The following DDX31 variants were observed in gnomAD, a reference collection of about 807,000 sequenced individuals.
DDX31 encodes DEAD-box helicase 31.
DDX31 carries 70 observed loss-of-function variants against 91.3 expected under a neutral mutation model. That is an observed-to-expected ratio of 0.77 (90% CI 0.63 to 0.94). The LOEUF is 0.94. DDX31 is among the 40% of genes least tolerant of loss of function. The pLI, the probability that DDX31 is intolerant of heterozygous loss-of-function variation, is 0.00. For missense variants in DDX31, 902 were observed against 925.0 expected (o/e 0.98, Z 0.32); for synonymous variants, 362 against 350.6 (o/e 1.03, Z -0.36).
chr9:132,612,306 G>A (rs1351408430), intron 18 of DDX31, 51 bp from the exon 19 acceptor site: 1 of 1,607,872 alleles, frequency 6.2e-7, no homozygotes, highest in Admixed American at 1.7e-5. Context: ...GGGTCTCCAA[G>A]CTCCAAAGTG....
chr9:132,598,356 C>T (rs1830550637), intron 19 of DDX31, among the ~76,000 whole-genome samples: 1 of 152,232 alleles, frequency 6.6e-6, no homozygotes, highest in Non-Finnish European at 1.5e-5. Flanking sequence ...CCTCCTTGCC[C>T]TCCAAATACC....
At chr9:132,659,103 A>G (rs1295380525) in intron 5 of DDX31, among the ~76,000 whole-genome samples, 1 of 152,182 alleles carries the variant, frequency 6.6e-6, no homozygotes, top group Non-Finnish European at 1.5e-5. Context: ...TCAGTGGTCA[A>G]TTACATCTCT....
chr9:132,606,124 G>T (rs1015936731), intron 19 of DDX31, among the ~76,000 whole-genome samples: 9 of 152,196 alleles, frequency 5.9e-5, no homozygotes, highest in Admixed American at 5.2e-4. Flanking sequence ...GGATTTACAC[G>T]GAGAAATCCT....
intron 6 of DDX31, chr9:132,658,451 C>G (rs1395240001): frequency 5.8e-6 from 4 of 689,962 alleles, no homozygotes; most frequent in African/African-American, 3.5e-5. Context: ...TCTTACAAAG[C>G]TTCCCTGTTA....
chr9:132,630,446 A>T, intron 15 of DDX31, 43 bp from the exon 16 acceptor site: 1 of 1,543,858 alleles, frequency 6.5e-7, no homozygotes, highest in Non-Finnish European at 8.8e-7. Flanking sequence ...AGATCAAGGG[A>T]CTGCCATTAA....
chr9:132,661,748 A>C (rs558087156), intron 3 of DDX31, among the ~76,000 whole-genome samples: 1 of 152,136 alleles, frequency 6.6e-6, no homozygotes, highest in Non-Finnish European at 1.5e-5. Flanking sequence ...GAGTCTGGAG[A>C]ACTCACTTTT....
chr9:132,661,492 G>C (rs1160437986), intron 3 of DDX31, among the ~76,000 whole-genome samples: 1 of 152,070 alleles, frequency 6.6e-6, no homozygotes, highest in Non-Finnish European at 1.5e-5. Context: ...GGCACTGCTG[G>C]CATCTAGTGG....
At chr9:132,655,193 C>T (rs1276713730) in intron 6 of DDX31, among the ~76,000 whole-genome samples, 1 of 152,042 alleles carries the variant, frequency 6.6e-6, no homozygotes, top group East Asian at 1.9e-4. Flanking sequence ...TTTAAGTGGC[C>T]TTGTTTGTAG....
Position 132,652,891 on chromosome 9 carries a change from T to A in DDX31, c.589-399A>T, listed in dbSNP as rs551553101. On this transcript the variant is annotated intron_variant, in intron 6 of 19. Transcript: ENST00000372159. The stretch of plus-strand genomic sequence containing the variant: ...CGTCCTCTGCCATGATTATGAGACC[T>A]CCCCCAGCCATGTGGAACTGTAAGT... Among the ~76,000 whole-genome samples the A allele has an allele frequency of 1.4e-4, 22 of 152,130 alleles. No homozygotes were observed. The South Asian group carries it at 4.4e-3, about 30-fold the overall frequency.
chr9:132,604,880 C>T (rs1482299310), intron 19 of DDX31, among the ~76,000 whole-genome samples: 1 of 152,184 alleles, frequency 6.6e-6, no homozygotes, highest in African/African-American at 2.4e-5. Flanking sequence ...CACTCCTGAG[C>T]CTGCTCATTT....
chr9:132,623,551 C>CAAAAAAAA (rs34868804), intron 17 of DDX31, among the ~76,000 whole-genome samples: 1 of 66,752 alleles, frequency 1.5e-5, no homozygotes, highest in Admixed American at 1.8e-4. Context: ...GACTCCATCT[C>CAAAAAAAA]AAAAAAAAAA....
chr9:132,669,640 C>T (rs1478822254), intron 1 of DDX31: 1 of 1,530,936 alleles, frequency 6.5e-7, no homozygotes, highest in South Asian at 1.2e-5. Flanking sequence ...CCCGCCCCTC[C>T]ACACCGCTCC....
chr9:132,646,766 C>T (rs1412157631), intron 12 of DDX31, 57 bp downstream of exon 12: 3 of 1,558,944 alleles, frequency 1.9e-6, no homozygotes, highest in Non-Finnish European at 1.8e-6. Flanking sequence ...AATGGCTTAA[C>T]ACAAGAAAGC....
At chr9:132,642,511 G>A (rs1022794564) in intron 13 of DDX31, among the ~76,000 whole-genome samples, 15 of 152,190 alleles carry the variant, frequency 9.9e-5, no homozygotes, top group African/African-American at 2.6e-4. Context: ...TTTAATTGGA[G>A]AGAAAATATA....
At chr9:132,628,864 AT>A (rs1466193773) in intron 16 of DDX31, among the ~76,000 whole-genome samples, 1 of 152,270 alleles carries the variant, frequency 6.6e-6, no homozygotes, top group African/African-American at 2.4e-5. Flanking sequence ...ACAACACAAA[AT>A]TCTGAAGATG....
At position 132,648,236 on chromosome 9, in the gene DDX31, T is replaced by C; in HGVS notation, c.920A>G (p.Glu307Gly). The C allele has an allele frequency of 6.2e-7, 1 of 1,614,094 alleles. No individual in the cohort carries two copies. Among genetic ancestry groups the C allele is most frequent in the Non-Finnish European group, 8.5e-7 (1 of 1,180,018 alleles). ...ITVILNAVNAECQKRQNVLLS... is the reference protein window; with the variant it reads ...ITVILNAVNAGCQKRQNVLLS... ...CAAGACATTCTGTCGTTTTTGGCAT[T>C]CAGCATTTACAGCATTAAGTATCAC... is the stretch of plus-strand genomic sequence containing the variant. The change falls in exon 11 of 20, where the codon GAA (glutamate) becomes GGA (glycine). Residue 307 changes from glutamate to glycine, a missense_variant. Coordinates refer to ENST00000372159, the MANE Select transcript of DDX31 (RefSeq NM_022779.9).
chr9:132,596,736 G>A (rs1830454662), intron 19 of DDX31, among the ~76,000 whole-genome samples: 1 of 152,194 alleles, frequency 6.6e-6, no homozygotes, highest in Admixed American at 6.5e-5. Context: ...GCGGGGGCAG[G>A]ACTCAGCTGG....
chr9:132,601,870 G>A (rs533069001), intron 19 of DDX31, among the ~76,000 whole-genome samples: 2 of 152,140 alleles, frequency 1.3e-5, no homozygotes, highest in Admixed American at 6.5e-5. Flanking sequence ...TAAGTCCCAC[G>A]TTATTCACTT....
At position 132,632,024 on chromosome 9, in the gene DDX31, A is replaced by G. The variant is rs947366027; in HGVS notation, c.1491+17T>C. ...TATTCCTGCCTAAAGCTTACACCTT[A>G]ACAACTAAAAAATTACCTGAACAAT... On this transcript the variant is annotated intron_variant, in intron 15 of 19. Coordinates refer to ENST00000372159, the MANE Select transcript of DDX31 (RefSeq NM_022779.9). 3 of 1,611,156 alleles carry G rather than the reference A, an allele frequency of 1.9e-6. No individual in the cohort carries two copies. In the African/African-American group the frequency reaches 4.0e-5, roughly 22 times the overall value.
Sources: gnomAD v4.1 joint callset for allele counts (sites outside exome capture counted in the v4.1 genomes callset) on GRCh38, gnomAD v4.1.1 for gene constraint, MANE v1.5 for transcripts, NCBI Gene and HGNC (gene_info 2026-07-23, HGNC 2026-07-21) for gene names.